Variants in PTPRQ observed in about 807,000 individuals in gnomAD.
PTPRQ encodes phosphatidylinositol phosphatase PTPRQ.
In PTPRQ, 199 loss-of-function variants were observed where a neutral mutation model predicts 246.0. The observed-to-expected ratio is 0.81, with a 90% CI of 0.72 to 0.91. PTPRQ has a LOEUF of 0.91. PTPRQ is among the 40% of genes least tolerant of loss of function. PTPRQ has a pLI of 0.00. For synonymous variants in PTPRQ, 869 were observed against 853.2 expected, an observed-to-expected ratio of 1.02 and a Z score of -0.32; for missense variants, 2,624 against 2,528.4, an observed-to-expected ratio of 1.04 and a Z score of -0.81.
At position 80,657,872 on chromosome 12, in the gene PTPRQ, A is replaced by T. The variant is rs868194879; in HGVS notation, c.6116-113A>T. 62 of 700,450 alleles carry T rather than the reference A, an allele frequency of 8.9e-5. No homozygotes were observed. In the African/African-American group the frequency reaches 1.1e-3, roughly 12 times the overall value. The allele number at this position is 700,450 out of a possible 1,614,324, so 43.4% of individuals were successfully genotyped here. The stretch of plus-strand genomic sequence containing the variant: ...AAATAACTTTTTAAAATTTACCGCC[A>T]TCTGTGAAATTGGAATGTTATATTA... On this transcript the variant is annotated intron_variant, in intron 38 of 44. Transcript: ENST00000644991.
intron 38 of PTPRQ, among the ~76,000 whole-genome samples, chr12:80,656,182 C>T (rs1900428268): frequency 6.6e-6 from 1 of 152,098 alleles, no homozygotes; most frequent in Non-Finnish European, 1.5e-5. Flanking sequence ...TTTAATCATT[C>T]CCATTTCTAA....
chr12:80,649,493 G>T, intron 36 of PTPRQ, 95 bp from the exon 37 acceptor site: 1 of 1,440,924 alleles, frequency 6.9e-7, no homozygotes. Flanking sequence ...GATGTCCATT[G>T]TTCTTTAACT....
At position 80,495,386 on chromosome 12, in the gene PTPRQ, T is replaced by TTTG. The variant is rs58537253; in HGVS notation, c.1882+33_1882+35dup. 1,236,313 of 1,391,770 alleles carry TTTG rather than the reference T, an allele frequency of 0.89. 554,007 individuals carry two copies. The highest frequency in any genetic ancestry group is 0.92 in the Non-Finnish European group (969,973 of 1,053,236). The allele number at this position is 1,391,770 out of a possible 1,614,324, so 86.2% of individuals were successfully genotyped here. ...TCTCATAACAGGTAGAAAACAATGT[T>TTTG]TTGTTGTTGTTGTTGTTGTTCATTT... On this transcript the variant is annotated intron_variant, in intron 12 of 44. Transcript: ENST00000644991.
chr12:80,654,093 T>C (rs1900349760), intron 38 of PTPRQ, among the ~76,000 whole-genome samples: 1 of 151,972 alleles, frequency 6.6e-6, no homozygotes, highest in East Asian at 1.9e-4. Context: ...TTTCTTTTCT[T>C]TTCTCTTTTC....
intron 33 of PTPRQ, among the ~76,000 whole-genome samples, chr12:80,623,251 C>G (rs934181438): frequency 6.6e-6 from 1 of 152,106 alleles, no homozygotes; most frequent in Middle Eastern, 3.2e-3. Context: ...AAGCCAGCCT[C>G]CACAGCCTCT....
rs930197880 is a variant in PTPRQ at position 80,635,088 on chromosome 12, C to G, written c.5915+15C>G. ...AGATTAACGCGGTGAGCACACTCCT[C>G]TGGGTGAACTGTGGTCCAGAGGGCC... is the stretch of plus-strand genomic sequence containing the variant. On this transcript the variant is annotated intron_variant, in intron 35 of 44. Coordinates refer to ENST00000644991, the MANE Select transcript of PTPRQ (RefSeq NM_001145026.2). 55 of 1,548,804 alleles carry G rather than the reference C, an allele frequency of 3.6e-5. No homozygotes were observed. The highest frequency in any genetic ancestry group is 4.7e-5 in the Non-Finnish European group (54 of 1,145,946).
chr12:80,542,669 C>T lies in PTPRQ; in HGVS notation c.3722-61C>T, dbSNP rs144075902. On this transcript the variant is annotated intron_variant, in intron 22 of 44. Coordinates refer to ENST00000644991, the MANE Select transcript of PTPRQ (RefSeq NM_001145026.2). ...CTAGTGTCTTCAAGAAAGTAAGTCA[C>T]GGTGCTATTTTTATGTTAAAAGTTT... is the stretch of plus-strand genomic sequence containing the variant. 40 of 1,485,122 alleles carry T rather than the reference C, an allele frequency of 2.7e-5. No individual in the cohort carries two copies. The African/African-American group carries it at 3.6e-4, about 13-fold the overall frequency. 92.0% of individuals were successfully genotyped at this position (1,485,122 alleles called of 1,614,324 possible). A position where few individuals can be genotyped will look rare whatever the true frequency, so the allele number is the denominator to read the frequency against.
intron 25 of PTPRQ, among the ~76,000 whole-genome samples, chr12:80,578,854 C>A (rs1438064933): frequency 2.6e-5 from 4 of 151,944 alleles, no homozygotes; most frequent in Non-Finnish European, 2.9e-5. Flanking sequence ...TTTAATTTAT[C>A]TTTATTTGCG....
intron 6 of PTPRQ, among the ~76,000 whole-genome samples, chr12:80,464,109 G>C (rs1242202999): frequency 3.3e-5 from 5 of 151,930 alleles, no homozygotes; most frequent in Admixed American, 2.6e-4. Context: ...TCAGTGTGTT[G>C]TATTCAGGAA....
chr12:80,506,636 G>GT lies in PTPRQ; in HGVS notation c.2523_2524insT (p.Ser842Ter). On this transcript the variant is annotated frameshift_variant, in exon 16 of 45. Transcript: ENST00000644991. LOFTEE classifies it high-confidence loss of function. ...GTACACTCAAAGGTGAAGGAGTTCG[G>GT]AGTGCTCCCATAAGTATACTGACGG... The GT allele has an allele frequency of 1.3e-6, 2 of 1,544,422 alleles. No homozygotes were observed. Among genetic ancestry groups the GT allele is most frequent in the Non-Finnish European group, 1.8e-6 (2 of 1,141,878 alleles).
chr12:80,453,045 C>G (rs1214673091), intron 3 of PTPRQ, among the ~76,000 whole-genome samples: 2 of 152,168 alleles, frequency 1.3e-5, no homozygotes, highest in Admixed American at 1.3e-4. Context: ...TCCCGTATTT[C>G]TTGGAGGCTT....
intron 26 of PTPRQ, among the ~76,000 whole-genome samples, chr12:80,592,739 G>A (rs993878893): frequency 6.6e-6 from 1 of 152,152 alleles, no homozygotes; most frequent in Admixed American, 6.5e-5. Flanking sequence ...GAGTCATGTG[G>A]TGGCTCATGC....
chr12:80,564,612 T>C (rs1286522221), intron 25 of PTPRQ, among the ~76,000 whole-genome samples: 1 of 152,256 alleles, frequency 6.6e-6, no homozygotes, highest in Non-Finnish European at 1.5e-5. Context: ...TCTTGTGCTA[T>C]TAAAGTTTAG....
chr12:80,528,826 A>G (rs1469991632), intron 17 of PTPRQ, among the ~76,000 whole-genome samples: 1 of 152,096 alleles, frequency 6.6e-6, no homozygotes, highest in Non-Finnish European at 1.5e-5. Flanking sequence ...CTCTAAAGCT[A>G]TCTATGGATT....
At chr12:80,467,585 T>C (rs1893472202) in intron 6 of PTPRQ, among the ~76,000 whole-genome samples, 1 of 152,092 alleles carries the variant, frequency 6.6e-6, no homozygotes, top group Admixed American at 6.5e-5. Flanking sequence ...TTATTCACAA[T>C]AGCAAAGACT....
chr12:80,495,130 A>G, intron 11 of PTPRQ, 36 bp downstream of exon 11: 1 of 1,550,302 alleles, frequency 6.5e-7, no homozygotes, highest in Non-Finnish European at 8.7e-7. Flanking sequence ...ATTAACTGCA[A>G]ATATTGCTGT....
In PTPRQ at chr12:80,445,549, G is replaced by C; in HGVS notation, c.222G>C (p.Leu74=). 6.5e-7 allele frequency: 1 copy of C among 1,549,614 alleles called. No homozygotes were observed. The highest frequency in any genetic ancestry group is 1.4e-5 in the African/African-American group (1 of 73,012). Residue 74 remains leucine (L), a synonymous_variant, in exon 3 of 45, where the codon CTG becomes CTC. Coordinates refer to ENST00000644991, the MANE Select transcript of PTPRQ (RefSeq NM_001145026.2). ...GAGTCGGATCTGCTGGGATTCTTCT[G>C]TCTTGGAATACACCACCTAATCCAA... ...GERVGSAGIL[L]SWNTPPNPNG...
chr12:80,664,529 T>C (rs1900726993), intron 39 of PTPRQ, among the ~76,000 whole-genome samples: 1 of 152,050 alleles, frequency 6.6e-6, no homozygotes, highest in South Asian at 2.1e-4. Context: ...TTTTCTCTTT[T>C]AGCAGCTAAA....
chr12:80,472,127 A>G lies in PTPRQ; in HGVS notation c.1062A>G (p.Thr354=). 6.4e-7 allele frequency: 1 copy of G among 1,551,452 alleles called. No individual in the cohort carries two copies. The highest frequency in any genetic ancestry group is 8.7e-7 in the Non-Finnish European group (1 of 1,146,934). Residue 354 remains threonine (T), a synonymous_variant, in exon 8 of 45, where the codon ACA becomes ACG. Transcript: ENST00000644991. ...GPSGRILDNS[T]KDLKFAFTNL... is the part of the protein sequence containing the mutation. ...CAGGTCGCATTTTGGATAACAGCAC[A>G]AAAGACCTCAAGTTTGCATTCACTA... is the stretch of plus-strand genomic sequence containing the variant.
Sources: allele counts gnomAD v4.1 joint callset (sites outside exome capture counted in the v4.1 genomes callset), GRCh38; gene constraint gnomAD v4.1.1; transcripts MANE v1.5; gene names NCBI Gene and HGNC (gene_info 2026-07-23, HGNC 2026-07-21).